PTPRG: variants seen among roughly 807,000 people sequenced by gnomAD.
The protein encoded by PTPRG is receptor-type tyrosine-protein phosphatase gamma.
In PTPRG, 102 loss-of-function variants were observed where a neutral mutation model predicts 165.3. The observed-to-expected ratio is 0.62, with a 90% CI of 0.53 to 0.73. The LOEUF (loss-of-function observed/expected upper bound fraction) is 0.73, where lower values mean the gene tolerates loss of function less well. Ranked by LOEUF, PTPRG falls within the 30% of genes least tolerant of loss-of-function variation. The pLI is 0.00. For synonymous variants in PTPRG, 675 were observed against 669.5 expected (o/e 1.01, Z -0.13); for missense variants, 1,866 against 1,861.4 (o/e 1.00, Z -0.05).
At chr3:61,938,602 A>G (rs1005116539) in intron 2 of PTPRG, among the ~76,000 whole-genome samples, 1 of 152,178 alleles carries the variant, frequency 6.6e-6, no homozygotes, top group African/African-American at 2.4e-5. Context: ...ATTTTTCCTA[A>G]TAACCTTTCA....
chr3:61,729,605 G>C (rs1343233026), intron 1 of PTPRG, among the ~76,000 whole-genome samples: 2 of 152,116 alleles, frequency 1.3e-5, no homozygotes, highest in African/African-American at 4.8e-5. Flanking sequence ...TACTTTTTAT[G>C]AAAATGAGCT....
At chr3:61,900,243 G>A (rs1010137625) in intron 2 of PTPRG, among the ~76,000 whole-genome samples, 4 of 151,974 alleles carry the variant, frequency 2.6e-5, no homozygotes, top group Non-Finnish European at 5.9e-5. Flanking sequence ...TAATGCTGAC[G>A]CTAACCTCTA....
chr3:61,847,519 C>T (rs1178212650), intron 2 of PTPRG, among the ~76,000 whole-genome samples: 5 of 152,172 alleles, frequency 3.3e-5, no homozygotes, highest in African/African-American at 1.2e-4. Flanking sequence ...CTCAGTCTCA[C>T]CGGCTGTATT....
chr3:61,616,038 C>T (rs1438423425), intron 1 of PTPRG, among the ~76,000 whole-genome samples: 1 of 152,204 alleles, frequency 6.6e-6, no homozygotes, highest in Admixed American at 6.5e-5. Flanking sequence ...GCAACCTCCG[C>T]CTTCTGGGTT....
intron 1 of PTPRG, among the ~76,000 whole-genome samples, chr3:61,696,702 G>C (rs568071809): frequency 4.3e-4 from 66 of 152,340 alleles, no homozygotes; most frequent in African/African-American, 1.3e-3. Context: ...CTTTGCCGGG[G>C]AAGCGACTAG....
chr3:61,830,873 C>T (rs766989202), intron 2 of PTPRG, among the ~76,000 whole-genome samples: 13 of 152,032 alleles, frequency 8.6e-5, no homozygotes, highest in Non-Finnish European at 1.8e-4. Flanking sequence ...TGCGCCCTGC[C>T]GATGGATCTC....
At chr3:62,194,052 A>G (rs1418168304) in intron 9 of PTPRG, among the ~76,000 whole-genome samples, 1 of 152,154 alleles carries the variant, frequency 6.6e-6, no homozygotes, top group Non-Finnish European at 1.5e-5. Context: ...GAGGTTGGCA[A>G]ACTTTTTTCT....
At chr3:61,608,950 C>T (rs1038774638) in intron 1 of PTPRG, among the ~76,000 whole-genome samples, 5 of 152,236 alleles carry the variant, frequency 3.3e-5, no homozygotes, top group African/African-American at 7.2e-5. Context: ...TAATCACTTA[C>T]ATCTGCCATG....
intron 1 of PTPRG, among the ~76,000 whole-genome samples, chr3:61,565,861 G>A (rs188645580): frequency 9.6e-4 from 146 of 151,802 alleles, no homozygotes; most frequent in African/African-American, 3.4e-3. Flanking sequence ...ATGGGCATCC[G>A]TTATGGCCTT....
rs1425886953 is a variant in PTPRG at position 62,012,908 on chromosome 3, AG to A, written c.519+9414del. ...TTATGCCTAGAGCTATCTGTGCAAA[AG>A]GGTATACTTTTTATCTGGATTGACC... is the stretch of plus-strand genomic sequence containing the variant. On this transcript the variant is annotated intron_variant, in intron 4 of 29. Coordinates refer to ENST00000474889, the MANE Select transcript of PTPRG (RefSeq NM_002841.4). Among the ~76,000 whole-genome samples, 14 of 152,356 alleles carry A rather than the reference AG, an allele frequency of 9.2e-5. No individual in the cohort carries two copies. In the East Asian group the frequency reaches 2.5e-3, roughly 27 times the overall value.
At chr3:61,652,833 T>C (rs913250778) in intron 1 of PTPRG, among the ~76,000 whole-genome samples, 10 of 152,218 alleles carry the variant, frequency 6.6e-5, no homozygotes, top group Non-Finnish European at 1.0e-4. Flanking sequence ...AAATGCCTTC[T>C]GGCAAGTGGG....
intron 1 of PTPRG, among the ~76,000 whole-genome samples, chr3:61,634,587 CA>C (rs1467405731): frequency 6.6e-6 from 1 of 151,718 alleles, no homozygotes; most frequent in Non-Finnish European, 1.5e-5. Flanking sequence ...TGGATTTTAT[CA>C]AATGCTTTTT....
intron 1 of PTPRG, among the ~76,000 whole-genome samples, chr3:61,589,131 T>C (rs78063997): frequency 0.01 from 1,528 of 152,326 alleles, 30 homozygotes; most frequent in African/African-American, 0.035. Flanking sequence ...CGGACATAAT[T>C]ATATGACTTT....
chr3:61,945,992 G>GATTC (rs1176035923), intron 2 of PTPRG, among the ~76,000 whole-genome samples: 44 of 152,172 alleles, frequency 2.9e-4, no homozygotes, highest in Admixed American at 1.2e-3. Context: ...TTGATTGATT[G>GATTC]ATTCATTCAT....
At chr3:61,997,420 C>T (rs1351656710) in intron 3 of PTPRG, among the ~76,000 whole-genome samples, 2 of 152,188 alleles carry the variant, frequency 1.3e-5, no homozygotes, top group African/African-American at 2.4e-5. Flanking sequence ...GCTCTGTCCT[C>T]GTGTCCCATC....
intron 2 of PTPRG, among the ~76,000 whole-genome samples, chr3:61,853,688 G>C (rs1212634507): frequency 6.6e-6 from 1 of 152,206 alleles, no homozygotes; most frequent in African/African-American, 2.4e-5. Context: ...TTCTAACTTA[G>C]TGAGTTTTGG....
At chr3:61,730,013 A>G (rs1278005988) in intron 1 of PTPRG, among the ~76,000 whole-genome samples, 2 of 152,246 alleles carry the variant, frequency 1.3e-5, no homozygotes, top group African/African-American at 2.4e-5. Context: ...CGTTTGCTCC[A>G]TGAAAATGAT....
At chr3:62,053,473 G>A (rs1700531700) in intron 4 of PTPRG, among the ~76,000 whole-genome samples, 1 of 151,978 alleles carries the variant, frequency 6.6e-6, no homozygotes, top group South Asian at 2.1e-4. Flanking sequence ...CTCCATGTTG[G>A]CCAGGCTGGT....
At chr3:62,133,711 A>C (rs1344385879) in intron 6 of PTPRG, among the ~76,000 whole-genome samples, 1 of 152,186 alleles carries the variant, frequency 6.6e-6, no homozygotes, top group African/African-American at 2.4e-5. Flanking sequence ...TGGGCCAGGC[A>C]TGGTGGCTTA....
Sources: allele counts gnomAD v4.1 joint callset (sites outside exome capture counted in the v4.1 genomes callset), GRCh38; gene constraint gnomAD v4.1.1; transcripts MANE v1.5; gene names NCBI Gene and HGNC (gene_info 2026-07-23, HGNC 2026-07-21).